Variants in PVT1 observed in about 807,000 individuals in gnomAD.
PVT1 encodes the protein Pvt1 oncogene.
chr8:127,935,958 G>A (rs140507036), intron 3 of PVT1, among the ~76,000 whole-genome samples: 1 of 151,708 alleles, frequency 6.6e-6, no homozygotes, highest in Non-Finnish European at 1.5e-5. Flanking sequence ...GGGTGGCCAC[G>A]TGAGGGTGGA....
At chr8:127,950,208 G>A (rs542780731) in intron 3 of PVT1, among the ~76,000 whole-genome samples, 12 of 152,188 alleles carry the variant, frequency 7.9e-5, no homozygotes, top group South Asian at 2.1e-4. Context: ...AATGCTAACC[G>A]CAGAAAGCAG....
At position 127,949,379 on chromosome 8, in the gene PVT1, CTGTGTGTGTGTG is replaced by C. The variant is rs61425056; in HGVS notation, n.783-39749_783-39738del. ...GTTTGGAATGTTTGAACTCCAGGAG[CTGTGTGTGTGTG>C]TGTGTGTGTGTGTGTGTGTGTGTGT... On this transcript the variant is annotated intron_variant and non_coding_transcript_variant, in intron 3 of 10. Transcript: ENST00000651587. Among the ~76,000 whole-genome samples, 134 of 111,320 alleles carry C rather than the reference CTGTGTGTGTGTG, an allele frequency of 1.2e-3. 1 individual carries two copies. Among genetic ancestry groups the C allele is most frequent in the African/African-American group, 3.9e-3 (119 of 30,128 alleles). The allele number at this position is 111,320 out of a possible 152,430, so 73.0% of individuals were successfully genotyped here. A position where few individuals can be genotyped will look rare whatever the true frequency, so the allele number is the denominator to read the frequency against.
chr8:127,947,464 TGGCA>T, intron 3 of PVT1: 2 of 321,184 alleles, frequency 6.2e-6, no homozygotes, highest in East Asian at 7.6e-5. Context: ...GCTCTTTTTT[TGGCA>T]TTCCCTCTGT....
intron 2 of PVT1, among the ~76,000 whole-genome samples, chr8:127,849,653 T>C (rs112248301): frequency 8.7e-5 from 13 of 150,092 alleles, no homozygotes; most frequent in South Asian, 2.1e-4. Context: ...TGTGTGTGTG[T>C]GCCCCTGCGT....
At chr8:127,951,938 C>G (rs138253050) in intron 3 of PVT1, among the ~76,000 whole-genome samples, 28 of 152,046 alleles carry the variant, frequency 1.8e-4, no homozygotes, top group African/African-American at 6.8e-4. Context: ...GCCTCAGCCT[C>G]CCGAGTAGCT....
chr8:127,928,749 A>G (rs1326223173), intron 3 of PVT1, among the ~76,000 whole-genome samples: 5 of 152,182 alleles, frequency 3.3e-5, no homozygotes, highest in African/African-American at 1.2e-4. Flanking sequence ...TGCTGCTCAC[A>G]GCCTGTCCTG....
At chr8:127,830,862 G>A (rs998778875) in intron 2 of PVT1, among the ~76,000 whole-genome samples, 3 of 152,106 alleles carry the variant, frequency 2.0e-5, no homozygotes, top group African/African-American at 4.8e-5. Flanking sequence ...GACTGGCCTA[G>A]CCTCTTAGCC....
intron 3 of PVT1, among the ~76,000 whole-genome samples, chr8:127,916,850 T>C (rs1469740915): frequency 6.6e-6 from 1 of 152,214 alleles, no homozygotes; most frequent in African/African-American, 2.4e-5. Flanking sequence ...GCTGAAGCTT[T>C]CTGGGTTGCA....
chr8:127,928,086 T>C (rs542939030), intron 3 of PVT1, among the ~76,000 whole-genome samples: 3 of 152,340 alleles, frequency 2.0e-5, no homozygotes, highest in East Asian at 1.9e-4. Flanking sequence ...AGTCTTTTCC[T>C]AGGCCCATCT....
intron 2 of PVT1, among the ~76,000 whole-genome samples, chr8:127,816,743 T>G (rs10481167): frequency 4.9e-4 from 75 of 151,980 alleles, no homozygotes; most frequent in Non-Finnish European, 9.0e-4. Context: ...AGGCTGGTCT[T>G]GAACACCTGA....
At chr8:127,990,267 G>A (rs553848781) in intron 4 of PVT1, among the ~76,000 whole-genome samples, 2 of 152,262 alleles carry the variant, frequency 1.3e-5, no homozygotes, top group South Asian at 4.1e-4. Context: ...ACTGCACTGG[G>A]TTGAAATGTC....
chr8:128,037,772 T>C (rs1813482849), intron 4 of PVT1, among the ~76,000 whole-genome samples: 1 of 152,144 alleles, frequency 6.6e-6, no homozygotes, highest in African/African-American at 2.4e-5. Flanking sequence ...CTGCTCGCGT[T>C]GGTGGCTTAG....
At chr8:127,988,539 A>G (rs1816995269) in intron 3 of PVT1, among the ~76,000 whole-genome samples, 1 of 152,198 alleles carries the variant, frequency 6.6e-6, no homozygotes, top group Non-Finnish European at 1.5e-5. Flanking sequence ...TGACCACCTC[A>G]TCTAGCCATC....
intron 4 of PVT1, among the ~76,000 whole-genome samples, chr8:128,065,486 A>G (rs776174950): frequency 1.3e-5 from 2 of 152,204 alleles, no homozygotes; most frequent in Non-Finnish European, 2.9e-5. Context: ...ACGCCCAGCC[A>G]GAAGTCTCTT....
chr8:127,951,186 A>G (rs1816501542), intron 3 of PVT1, among the ~76,000 whole-genome samples: 1 of 152,152 alleles, frequency 6.6e-6, no homozygotes, highest in African/African-American at 2.4e-5. Flanking sequence ...GTGAGCCACC[A>G]TACCCTGTGC....
Position 127,998,693 on chromosome 8 carries a change from TTTC to T in PVT1, n.912+9408_912+9410del, listed in dbSNP as rs566221776. The stretch of plus-strand genomic sequence containing the variant: ...CTTCCTTCCCTCCCTTCCTCTTTTC[TTTC>T]TTCTTTCTTTCTTTCTTTCCTTCCT... On this transcript the variant is annotated intron_variant and non_coding_transcript_variant, in intron 4 of 10. Transcript: ENST00000651587. 1.5e-4 allele frequency among the ~76,000 whole-genome samples: 23 copies of T among 148,638 alleles called. No individual in the cohort carries two copies. The South Asian group carries it at 5.1e-3, about 33-fold the overall frequency.
intron 4 of PVT1, among the ~76,000 whole-genome samples, chr8:128,050,334 C>T (rs1401162780): frequency 6.6e-6 from 1 of 152,172 alleles, no homozygotes; most frequent in Non-Finnish European, 1.5e-5. Context: ...ACAGTTCTGA[C>T]CATGTCCCTG....
At chr8:127,890,194 T>C (rs1470737308) in intron 2 of PVT1, among the ~76,000 whole-genome samples, 3 of 152,140 alleles carry the variant, frequency 2.0e-5, no homozygotes, top group African/African-American at 7.2e-5. Flanking sequence ...CCTAAACCCC[T>C]CAGCTCCCTG....
At chr8:127,970,665 G>T (rs1816756256) in intron 3 of PVT1, among the ~76,000 whole-genome samples, 1 of 152,102 alleles carries the variant, frequency 6.6e-6, no homozygotes, top group African/African-American at 2.4e-5. Context: ...CCAGGGGGAA[G>T]ACTTAGGACT....
Sources: gnomAD v4.1 joint callset for allele counts (sites outside exome capture counted in the v4.1 genomes callset) on GRCh38, gnomAD v4.1.1 for gene constraint, MANE v1.5 for transcripts, NCBI Gene and HGNC (gene_info 2026-07-23, HGNC 2026-07-21) for gene names.